The following RFC1 variants were observed in gnomAD, a reference collection of about 807,000 sequenced individuals.
RFC1 encodes replication factor C subunit 1.
RFC1 carries 37 observed loss-of-function variants against 137.4 expected under a neutral mutation model. The observed-to-expected ratio is 0.27, with a 90% CI of 0.21 to 0.35. RFC1 has a LOEUF of 0.35. Ranked by LOEUF, RFC1 falls within the 10% of genes least tolerant of loss-of-function variation. The pLI is 1.00. For synonymous variants in RFC1, 429 were observed against 455.7 expected (o/e 0.94, Z 0.75); for missense variants, 1,205 against 1,358.5 (o/e 0.89, Z 1.78).
At chr4:39,291,537 A>G in intron 23 of RFC1, 102 bp downstream of exon 23, 1 of 806,680 alleles carries the variant, frequency 1.2e-6, no homozygotes, top group Non-Finnish European at 2.1e-6. Flanking sequence ...ATTTGAGGGG[A>G]AAAAGAAGTA....
In RFC1 at chr4:39,300,474, C is replaced by T. The variant is rs1578110692; in HGVS notation, c.2536-60G>A. On this transcript the variant is annotated intron_variant, in intron 19 of 24. Coordinates refer to ENST00000349703, the MANE Select transcript of RFC1 (RefSeq NM_002913.5). Reference sequence around the variant, plus strand: ...CCAAAATTCAAAACGGTAACATCACCAAATGCTAACGAGGATATGGAACAA... The same window carrying T: ...CCAAAATTCAAAACGGTAACATCACTAAATGCTAACGAGGATATGGAACAA... 6.6e-6 allele frequency: 8 copies of T among 1,214,722 alleles called. No individual in the cohort carries two copies. In the East Asian group the frequency reaches 1.9e-4, roughly 28 times the overall value. The allele number at this position is 1,214,722 out of a possible 1,614,324, so 75.2% of individuals were successfully genotyped here.
chr4:39,326,265 T>A (rs1739759443), intron 6 of RFC1, among the ~76,000 whole-genome samples: 6 of 152,202 alleles, frequency 3.9e-5, no homozygotes, highest in African/African-American at 1.4e-4. Flanking sequence ...AAAGTCCTTA[T>A]AATTAACATC....
chr4:39,347,030 C>T (rs892894443), intron 2 of RFC1, among the ~76,000 whole-genome samples: 1 of 152,206 alleles, frequency 6.6e-6, no homozygotes, highest in African/African-American at 2.4e-5. Context: ...GAAGGAATAA[C>T]AGGATCCAAA....
intron 1 of RFC1, among the ~76,000 whole-genome samples, chr4:39,353,141 C>T (rs190618210): frequency 9.7e-4 from 147 of 152,062 alleles, no homozygotes; most frequent in African/African-American, 3.4e-3. Context: ...TAGCTCATGC[C>T]TATAATCCCA....
At chr4:39,303,546 C>T (rs1164302093) in intron 15 of RFC1, among the ~76,000 whole-genome samples, 6 of 152,150 alleles carry the variant, frequency 3.9e-5, no homozygotes, top group African/African-American at 7.2e-5. Context: ...CTCCGCCTCC[C>T]GGGTTCAAGC....
chr4:39,345,962 TA>T (rs1192790333), intron 2 of RFC1, among the ~76,000 whole-genome samples: 1 of 152,082 alleles, frequency 6.6e-6, no homozygotes, highest in African/African-American at 2.4e-5. Context: ...CCTTATTGGC[TA>T]AAAATAGGCC....
At chr4:39,295,583 A>G (rs1737937799) in intron 22 of RFC1, 31 bp downstream of exon 22, 1 of 1,552,838 alleles carries the variant, frequency 6.4e-7, no homozygotes, top group Admixed American at 1.9e-5. Flanking sequence ...CCAAATCGAT[A>G]AAATACCCGA....
rs751826710 is a variant in RFC1 at position 39,291,660 on chromosome 4, G to A, written c.3147C>T (p.Pro1049=). Residue 1049 remains proline (P), a synonymous_variant, in exon 23 of 25, where the codon CCC becomes CCT. Coordinates refer to ENST00000349703, the MANE Select transcript of RFC1 (RefSeq NM_002913.5). ...TTACCTTGGGATCCAGCTTTGAAAA[G>A]GGACTAGGTTTGCCACCCCAGCTGC... ...EISSWGGKPS[P]FSKLDPKVKA... 5.9e-5 allele frequency: 96 copies of A among 1,613,524 alleles called. No individual in the cohort carries two copies. Among genetic ancestry groups the A allele is most frequent in the Non-Finnish European group, 7.9e-5 (93 of 1,179,586 alleles).
At chr4:39,355,097 ATACACAC>A (rs1408021464) in intron 1 of RFC1, among the ~76,000 whole-genome samples, 18 of 34,994 alleles carry the variant, frequency 5.1e-4, no homozygotes, top group African/African-American at 1.3e-3. Context: ...AAAAAAAAAA[ATACACAC>A]ACACACACAC....
intron 7 of RFC1, among the ~76,000 whole-genome samples, chr4:39,323,035 AG>A (rs1739598001): frequency 6.6e-6 from 1 of 152,198 alleles, no homozygotes; most frequent in Non-Finnish European, 1.5e-5. Context: ...CACTGAGCCC[AG>A]ATCAGGCCAC....
intron 21 of RFC1, among the ~76,000 whole-genome samples, chr4:39,296,245 TTTTTC>T (rs1456489801): frequency 9.0e-6 from 1 of 111,572 alleles, no homozygotes. Flanking sequence ...TTTCTTTTTT[TTTTTC>T]TTTTTTTTTT....
At chr4:39,358,777 AG>A (rs1208108318) in intron 1 of RFC1, among the ~76,000 whole-genome samples, 1 of 152,244 alleles carries the variant, frequency 6.6e-6, no homozygotes, top group Non-Finnish European at 1.5e-5. Flanking sequence ...ATCCAATGTT[AG>A]GGGTTTTCCC....
At chr4:39,341,467 A>C (rs1740602446) in intron 4 of RFC1, 1 of 371,884 alleles carries the variant, frequency 2.7e-6, no homozygotes, top group African/African-American at 2.1e-5. Context: ...TTTTCCAAAA[A>C]ATATGTTCAC....
chr4:39,352,296 T>C (rs1297804906), intron 1 of RFC1, among the ~76,000 whole-genome samples: 3 of 152,226 alleles, frequency 2.0e-5, no homozygotes, highest in Non-Finnish European at 4.4e-5. Flanking sequence ...TATATGATTT[T>C]TCAACATCCT....
chr4:39,294,776 G>C (rs1271355026), intron 22 of RFC1, among the ~76,000 whole-genome samples: 1 of 152,242 alleles, frequency 6.6e-6, no homozygotes, highest in African/African-American at 2.4e-5. Context: ...GCCAAGGCAG[G>C]CAGATTACTT....
At chr4:39,348,354 C>G (rs1355857896) in intron 2 of RFC1, among the ~76,000 whole-genome samples, 1 of 146,966 alleles carries the variant, frequency 6.8e-6, no homozygotes. Context: ...ACCTGGGAGG[C>G]AGAGGTTGCA....
intron 1 of RFC1, among the ~76,000 whole-genome samples, chr4:39,358,000 C>T (rs112649473): frequency 6.6e-6 from 1 of 152,014 alleles, no homozygotes; most frequent in Admixed American, 6.6e-5. Context: ...CTGGGCCAAG[C>T]GCAGTGGCTC....
At chr4:39,357,808 A>G (rs553532261) in intron 1 of RFC1, among the ~76,000 whole-genome samples, 1 of 151,946 alleles carries the variant, frequency 6.6e-6, no homozygotes, top group South Asian at 2.1e-4. Context: ...TAGTAGGGAC[A>G]GGGTTTCACT....
Position 39,302,559 on chromosome 4 carries a change from T to G in RFC1, c.2377A>C (p.Lys793Gln). 1 of 1,612,022 alleles carries G rather than the reference T, an allele frequency of 6.2e-7. No individual in the cohort carries two copies. The highest frequency in any genetic ancestry group is 8.5e-7 in the Non-Finnish European group (1 of 1,178,654). ...MMSIAFKEGL[K>Q]IPPPAMNEII... ...TCATTCATAGCTGGAGGGGGAATCT[T>G]TAAACCTTCTTTAAATGCAATAGAC... The change falls in exon 18 of 25, where the codon AAG (lysine) becomes CAG (glutamine). Residue 793 changes from lysine to glutamine, a missense_variant. Transcript: ENST00000349703.
Sources: gnomAD v4.1 joint callset for allele counts (sites outside exome capture counted in the v4.1 genomes callset) on GRCh38, gnomAD v4.1.1 for gene constraint, MANE v1.5 for transcripts, NCBI Gene and HGNC (gene_info 2026-07-23, HGNC 2026-07-21) for gene names.